The following TRAK1 variants were observed in gnomAD, a reference collection of about 807,000 sequenced individuals.
TRAK1 encodes the protein trafficking kinesin-binding protein 1.
Under a neutral mutation model 92.1 loss-of-function variants are expected in TRAK1, and 33 were observed. The observed-to-expected ratio is 0.36, with a 90% CI of 0.27 to 0.48. The LOEUF is 0.48. Among genes scored for constraint, TRAK1 ranks in the 20% least tolerant of loss-of-function variants. The pLI, the probability that TRAK1 is intolerant of heterozygous loss-of-function variation, is 0.99. For synonymous variants in TRAK1, 521 were observed against 517.3 expected (o/e 1.01, Z -0.10); for missense variants, 1,123 against 1,257.9 (o/e 0.89, Z 1.62).
rs567232388 is a variant in TRAK1 at position 42,145,993 on chromosome 3, A to G, written c.286+20379A>G. On this transcript the variant is annotated intron_variant, in intron 2 of 15. Transcript: ENST00000327628. Reference sequence around the variant, plus strand: ...GGAAGATAATAAATGCTGCAACAGTACAATGAAATGTTCTCTGAAGAACTC... The same window carrying G: ...GGAAGATAATAAATGCTGCAACAGTGCAATGAAATGTTCTCTGAAGAACTC... 1.7e-5 allele frequency: 6 copies of G among 349,376 alleles called. No homozygotes were observed. In the East Asian group the frequency reaches 5.0e-4, roughly 29 times the overall value. 21.6% of individuals were successfully genotyped at this position (349,376 alleles called of 1,614,324 possible).
At chr3:42,013,278 C>A (rs1047751908), upstream of TRAK1, among the ~76,000 whole-genome samples, 1 of 152,210 alleles carries the variant, frequency 6.6e-6, no homozygotes, top group South Asian at 2.1e-4. This position sits in a 1 kb window ranked among gnomAD's most constrained non-coding sequence, Gnocchi z 5.1. Flanking sequence ...GCCTGGACTT[C>A]CACTGTGTTC....
chr3:42,134,578 CTTTTTTT>C lies in TRAK1; in HGVS notation c.286+8984_286+8990del, dbSNP rs547455969. On this transcript the variant is annotated intron_variant, in intron 2 of 15. Coordinates refer to ENST00000327628, the MANE Select transcript of TRAK1 (RefSeq NM_001042646.3). ...AGGTGTTAGCCACCATGCCTGGTCTCTTTTTTTTTTTTTTTTTTTTTTTTTTGAGACA... is the reference window on the plus strand; with the variant it reads ...AGGTGTTAGCCACCATGCCTGGTCTCTTTTTTTTTTTTTTTTTTTGAGACA... Among the ~76,000 whole-genome samples, 167 of 76,448 alleles carry C rather than the reference CTTTTTTT, an allele frequency of 2.2e-3. 2 individuals carry two copies. Among genetic ancestry groups the C allele is most frequent in the Middle Eastern group, 0.012 (1 of 82 alleles). The allele number at this position is 76,448 out of a possible 152,430, so 50.2% of individuals were successfully genotyped here.
At chr3:42,058,546 G>A (rs1442350276) in intron 1 of TRAK1, among the ~76,000 whole-genome samples, 1 of 152,178 alleles carries the variant, frequency 6.6e-6, no homozygotes, top group Non-Finnish European at 1.5e-5. Context: ...GTTTCACCAT[G>A]TTGGCTGGTC....
At chr3:42,162,523 G>A (rs1250164342) in intron 2 of TRAK1, among the ~76,000 whole-genome samples, 11 of 152,006 alleles carry the variant, frequency 7.2e-5, no homozygotes, top group African/African-American at 2.4e-4. Flanking sequence ...TTTTCTAATA[G>A]GGGGATACGT....
At chr3:42,103,373 C>G (rs1037205555) in intron 1 of TRAK1, among the ~76,000 whole-genome samples, 22 of 151,974 alleles carry the variant, frequency 1.4e-4, no homozygotes, top group African/African-American at 5.3e-4. Flanking sequence ...CAGGGTTTTG[C>G]TGGGTTGGCC....
In TRAK1 at chr3:42,223,519, C is replaced by A. The variant is rs1710555262; in HGVS notation, c.2644C>A (p.Pro882Thr). The change falls in exon 16 of 16, where the codon CCA (proline) becomes ACA (threonine). Residue 882 changes from proline (P) to threonine (T), a missense_variant. This residue lies in a region of TRAK1 where 401 missense variants were observed against 438.9 expected (regional missense o/e 0.91). Coordinates refer to ENST00000327628, the MANE Select transcript of TRAK1 (RefSeq NM_001042646.3). The surrounding 1 kb of genome is among the most constrained non-coding windows in gnomAD (Gnocchi z 6.1). Reference protein sequence around the residue: ...PLLCGPPGPAPALVPRGLVPE... With the variant: ...PLLCGPPGPATALVPRGLVPE... ...CCTCTGTGGGCCCCCGGGGCCAGCA[C>A]CAGCCCTTGTTCCCAGAGGCCTGGT... 3.7e-6 allele frequency: 6 copies of A among 1,613,756 alleles called. No individual in the cohort carries two copies. Among genetic ancestry groups the A allele is most frequent in the Non-Finnish European group, 5.1e-6 (6 of 1,179,956 alleles).
chr3:42,201,480 T>G (rs949613090), intron 12 of TRAK1, among the ~76,000 whole-genome samples: 1 of 151,904 alleles, frequency 6.6e-6, no homozygotes, highest in African/African-American at 2.4e-5. Context: ...AAGCGGACCT[T>G]ACAGTTCTCC....
chr3:42,049,562 T>C (rs1426061479), intron 1 of TRAK1, among the ~76,000 whole-genome samples: 2 of 152,114 alleles, frequency 1.3e-5, no homozygotes, highest in Non-Finnish European at 2.9e-5. Flanking sequence ...TTTGATAATT[T>C]CCTCCTCTCA....
intron 2 of TRAK1, among the ~76,000 whole-genome samples, chr3:42,169,561 C>T (rs149409933): frequency 5.3e-5 from 8 of 151,804 alleles, no homozygotes; most frequent in African/African-American, 1.2e-4. Context: ...GATACAGCTA[C>T]TAGGGAGGCT....
intron 2 of TRAK1, among the ~76,000 whole-genome samples, chr3:42,162,471 T>C (rs372072406): frequency 6.6e-6 from 1 of 152,092 alleles, no homozygotes; most frequent in Admixed American, 6.6e-5. Flanking sequence ...AGACCGAGAA[T>C]GTGTCCTGAA....
chr3:42,016,682 A>G (rs1701539694), intron 1 of TRAK1, among the ~76,000 whole-genome samples: 1 of 152,180 alleles, frequency 6.6e-6, no homozygotes, highest in African/African-American at 2.4e-5. Context: ...TATAGATGCG[A>G]TTGTTCTGTA....
upstream of TRAK1, among the ~76,000 whole-genome samples, chr3:42,083,817 CTG>C (rs560173474): frequency 1.1e-3 from 163 of 152,118 alleles, no homozygotes; most frequent in Non-Finnish European, 1.9e-3. Context: ...CTGCGGTGAG[CTG>C]TGATTGTGCC....
At chr3:42,045,289 C>A (rs1165697024) in intron 1 of TRAK1, among the ~76,000 whole-genome samples, 2 of 152,118 alleles carry the variant, frequency 1.3e-5, no homozygotes, top group Non-Finnish European at 2.9e-5. Context: ...AATCCCAGCA[C>A]TTTGGGAGGC....
chr3:42,176,776 G>A, intron 2 of TRAK1, 38 bp from the exon 3 acceptor site: 1 of 1,586,194 alleles, frequency 6.3e-7, no homozygotes, highest in Non-Finnish European at 8.7e-7. Flanking sequence ...GCAGGTTTGT[G>A]ACATTGGGAG....
At chr3:42,132,923 TACA>T (rs1412730542) in intron 2 of TRAK1, among the ~76,000 whole-genome samples, 1 of 152,186 alleles carries the variant, frequency 6.6e-6, no homozygotes, top group Non-Finnish European at 1.5e-5. Context: ...TCTTAATAAA[TACA>T]ACGTGGTTTA....
At chr3:42,135,676 A>T (rs796778402) in intron 2 of TRAK1, among the ~76,000 whole-genome samples, 2 of 152,218 alleles carry the variant, frequency 1.3e-5, no homozygotes, top group Non-Finnish European at 2.9e-5. Flanking sequence ...GTGTGGGAAC[A>T]TCCCAGCTCT....
intron 10 of TRAK1, among the ~76,000 whole-genome samples, chr3:42,196,210 A>G (rs1706598519): frequency 6.6e-6 from 1 of 152,238 alleles, no homozygotes; most frequent in African/African-American, 2.4e-5. Flanking sequence ...TGTATTATGC[A>G]TTAAAGGTAT....
chr3:42,053,406 G>A (rs1405038128), intron 1 of TRAK1, among the ~76,000 whole-genome samples: 1 of 150,526 alleles, frequency 6.6e-6, no homozygotes, highest in Admixed American at 6.6e-5. Context: ...GGCAAAGGGG[G>A]AGGGTAAAAG....
At chr3:42,222,820 TG>T in intron 15 of TRAK1, 121 bp from the exon 16 acceptor site, 1 of 1,005,678 alleles carries the variant, frequency 9.9e-7, no homozygotes, top group Non-Finnish European at 1.5e-6. Flanking sequence ...GGGCCTCAGC[TG>T]GTGGAACCCT....
Sources: allele counts gnomAD v4.1 joint callset (sites outside exome capture counted in the v4.1 genomes callset), GRCh38; gene constraint gnomAD v4.1.1; regional missense constraint gnomAD v4.1.1; non-coding constraint Gnocchi (gnomAD v3.1); transcripts MANE v1.5; gene names NCBI Gene and HGNC (gene_info 2026-07-23, HGNC 2026-07-21).